PDHA1: variants seen among roughly 807,000 people sequenced by gnomAD.
PDHA1 encodes pyruvate dehydrogenase E1 component subunit alpha, somatic form, mitochondrial.
A neutral mutation model predicts 33.0 loss-of-function variants in PDHA1; 1 was observed. That is an observed-to-expected ratio of 0.03 (90% CI 0.01 to 0.14). The LOEUF (loss-of-function observed/expected upper bound fraction) is 0.14. Ranked by LOEUF, PDHA1 falls within the 10% of genes least tolerant of loss-of-function variation. PDHA1 has a pLI of 1.00. For synonymous variants in PDHA1, 123 were observed against 119.2 expected (o/e 1.03, Z -0.21); for missense variants, 168 against 325.1 (o/e 0.52, Z 3.72).
intron 1 of PDHA1, among the ~76,000 whole-genome samples, chrX:19,344,574 T>A (rs1489974023): frequency 1.8e-5 from 2 of 113,546 alleles, no homozygotes; most frequent in Non-Finnish European, 3.7e-5. Flanking sequence ...AGCAAGTTTT[T>A]AAACGTCCCG....
intron 5 of PDHA1, among the ~76,000 whole-genome samples, chrX:19,354,240 T>A (rs899195548): frequency 2.0e-4 from 23 of 112,959 alleles, no homozygotes; most frequent in African/African-American, 6.1e-4. Context: ...CAGGTTTTAT[T>A]TTTTAACTCT....
chrX:19,359,574 G>C lies in PDHA1; in HGVS notation c.1094G>C (p.Gly365Ala). ...ADPEPPLEEL[G>A]YHIYSSDPPF... The stretch of plus-strand genomic sequence containing the variant: ...CCTGAGCCACCTTTGGAAGAGCTGG[G>C]CTACCACATCTACTCCAGCGACCCA... Residue 365 changes from glycine to alanine, a missense_variant, in exon 11 of 11, where the codon GGC becomes GCC. Gly to Ala is a moderately conservative substitution (Grantham distance 60). Transcript: ENST00000422285. The C allele has an allele frequency of 8.3e-7, 1 of 1,210,595 alleles. No individual in the cohort carries two copies. The highest frequency in any genetic ancestry group is 3.0e-5 in the East Asian group (1 of 33,840).
chrX:19,347,945 G>A (rs1407721439), intron 1 of PDHA1, among the ~76,000 whole-genome samples: 1 of 112,311 alleles, frequency 8.9e-6, no homozygotes, highest in Non-Finnish European at 1.9e-5. Context: ...GTCCAATAAT[G>A]GTCTATTGAG....
chrX:19,346,466 C>T, intron 1 of PDHA1: 1 of 405,838 alleles, frequency 2.5e-6, no homozygotes, highest in Non-Finnish European at 4.4e-6. Context: ...CAGGCATGTG[C>T]CACCACCACA....
chrX:19,349,939 A>G lies in PDHA1; in HGVS notation c.120A>G (p.Lys40=). Reference sequence around the variant, plus strand: ...ATAACTACCTTATTCCATTTCAGAAATGTGACCTTCACCGGCTGGAAGAAG... The same window carrying G: ...ATAACTACCTTATTCCATTTCAGAAGTGTGACCTTCACCGGCTGGAAGAAG... ...FANDATFEIK[K]CDLHRLEEGP... is the part of the protein sequence containing the mutation. Residue 40 remains lysine, a splice_region_variant and synonymous_variant, in exon 3 of 11, where the codon AAA becomes AAG. Coordinates refer to ENST00000422285, the MANE Select transcript of PDHA1 (RefSeq NM_000284.4). 1.7e-6 allele frequency: 2 copies of G among 1,206,752 alleles called. No homozygotes were observed. Among genetic ancestry groups the G allele is most frequent in the Non-Finnish European group, 2.2e-6 (2 of 890,642 alleles).
Position 19,357,737 on chromosome X carries a change from G to A in PDHA1, c.899+18G>A, listed in dbSNP as rs370785632. On this transcript the variant is annotated intron_variant, in intron 9 of 10. Transcript: ENST00000422285. Reference sequence around the variant, plus strand: ...GGAGTCAGGTACGCTCATGGGCAGTGTGGTTTCCATAGGGGTGGGCTTTGA... The same window carrying A: ...GGAGTCAGGTACGCTCATGGGCAGTATGGTTTCCATAGGGGTGGGCTTTGA... 253 of 1,169,737 alleles carry A rather than the reference G, an allele frequency of 2.2e-4. No homozygotes were observed. Among genetic ancestry groups the A allele is most frequent in the Middle Eastern group, 1.9e-3 (8 of 4,251 alleles).
intron 4 of PDHA1, 184 bp downstream of exon 4, chrX:19,351,591 T>C (rs2147176295): frequency 2.3e-6 from 1 of 430,706 alleles, no homozygotes; most frequent in Non-Finnish European, 4.0e-6. Context: ...TGAAGTTCTC[T>C]GGCCCCTCAG....
At chrX:19,350,220 G>A in intron 3 of PDHA1, 110 bp downstream of exon 3, 1 of 600,335 alleles carries the variant, frequency 1.7e-6, no homozygotes, top group Non-Finnish European at 2.9e-6. Context: ...GGCTGGTAAT[G>A]TAATTTTCTT....
intron 5 of PDHA1, 78 bp downstream of exon 5, chrX:19,353,251 C>T (rs1242646178): frequency 1.3e-6 from 1 of 785,099 alleles, no homozygotes; most frequent in South Asian, 2.1e-5. Context: ...CAGCCCCAGA[C>T]AACTTTTCCT....
At chrX:19,352,891 A>C (rs2063172626) in intron 4 of PDHA1, 191 bp from the exon 5 acceptor site, 1 of 480,671 alleles carries the variant, frequency 2.1e-6, no homozygotes, top group African/African-American at 2.3e-5. Context: ...AAAGCTGGAA[A>C]GGTTGAAGCA....
intron 8 of PDHA1, 63 bp downstream of exon 8, chrX:19,355,820 C>A: frequency 1.2e-6 from 1 of 844,753 alleles, no homozygotes; most frequent in African/African-American, 2.0e-5. Context: ...GACTGCCTCC[C>A]ATGTGCCTGC....
intron 3 of PDHA1, 73 bp downstream of exon 3, chrX:19,350,183 C>G: frequency 2.7e-6 from 2 of 741,454 alleles, no homozygotes; most frequent in South Asian, 4.2e-5. Context: ...TGGGCTTTAC[C>G]CTGCCATATG....
At chrX:19,353,319 G>A (rs2063175033) in intron 5 of PDHA1, 146 bp downstream of exon 5, 2 of 529,697 alleles carry the variant, frequency 3.8e-6, no homozygotes, top group East Asian at 7.2e-5. Context: ...CATATATGAT[G>A]TTGGACCCAT....
chrX:19,353,168 G>A lies in PDHA1; in HGVS notation c.505G>A (p.Ala169Thr). ...CTACGGGGGCAATGGCATCGTGGGA[G>A]CGCAGGTAGTCAAGGACGAGGATTG... The part of the protein sequence containing the change: ...NFYGGNGIVG[A>T]QVPLGAGIAL... The change falls in exon 5 of 11, where the codon GCG (alanine) becomes ACG (threonine). Residue 169 changes from alanine (A) to threonine (T), a missense_variant. By Grantham distance (58) the Ala-to-Thr change is moderately conservative (BLOSUM62 0). This residue lies in a region of PDHA1 where 35 missense variants were observed against 148.5 expected (regional missense o/e 0.24). Coordinates refer to ENST00000422285, the MANE Select transcript of PDHA1 (RefSeq NM_000284.4). The A allele has an allele frequency of 8.4e-7, 1 of 1,194,856 alleles. No homozygotes were observed. Among genetic ancestry groups the A allele is most frequent in the Admixed American group, 2.2e-5 (1 of 46,056 alleles).
chrX:19,345,571 TTA>T (rs1569188700), intron 1 of PDHA1, among the ~76,000 whole-genome samples: 29 of 62,787 alleles, frequency 4.6e-4, no homozygotes, highest in African/African-American at 1.8e-3. Flanking sequence ...ACTCCGTATT[TTA>T]AAAAAAAAAA....
intron 5 of PDHA1, 184 bp downstream of exon 5, chrX:19,353,357 T>C (rs1037952724): frequency 2.9e-5 from 14 of 479,309 alleles, no homozygotes; most frequent in African/African-American, 2.6e-4. Context: ...GAAAAATTCC[T>C]GTCGCCTAGT....
chrX:19,346,761 G>T, intron 1 of PDHA1: 1 of 381,540 alleles, frequency 2.6e-6, no homozygotes, highest in Non-Finnish European at 4.0e-6. Context: ...TTATTTCATG[G>T]AAGAAGATTG....
intron 10 of PDHA1, 123 bp from the exon 11 acceptor site, chrX:19,359,366 A>T: frequency 1.7e-6 from 1 of 580,208 alleles, no homozygotes; most frequent in East Asian, 3.3e-5. Context: ...AATCTTCTGA[A>T]TTAGCAACTG....
At chrX:19,358,013 G>GTATC (rs928830975) in intron 9 of PDHA1, among the ~76,000 whole-genome samples, 1 of 111,452 alleles carries the variant, frequency 9.0e-6, no homozygotes, top group African/African-American at 3.3e-5. Flanking sequence ...TGGTAGTGTA[G>GTATC]TATCTTGGGG....
Sources: allele counts gnomAD v4.1 joint callset (sites outside exome capture counted in the v4.1 genomes callset), GRCh38; gene constraint gnomAD v4.1.1; regional missense constraint gnomAD v4.1.1; transcripts MANE v1.5; gene names NCBI Gene and HGNC (gene_info 2026-07-23, HGNC 2026-07-21).